ASAP2: variants seen among roughly 807,000 people sequenced by gnomAD.
The protein encoded by ASAP2 is arf-GAP with SH3 domain, ANK repeat and PH domain-containing protein 2.
In ASAP2, 45 loss-of-function variants were observed where a neutral mutation model predicts 131.4. The ratio of observed to expected loss-of-function variants is 0.34; its 90% CI spans 0.27 to 0.44. ASAP2 has a LOEUF of 0.44. Ranked by LOEUF, ASAP2 falls within the 20% of genes least tolerant of loss-of-function variation. The pLI is 1.00. For missense variants in ASAP2, 1,011 were observed against 1,297.0 expected, an observed-to-expected ratio of 0.78 and a Z score of 3.39; for synonymous variants, 510 against 503.0, an observed-to-expected ratio of 1.01 and a Z score of -0.19.
At chr2:9,245,121 C>T (rs1408539422) in intron 1 of ASAP2, among the ~76,000 whole-genome samples, 1 of 152,110 alleles carries the variant, frequency 6.6e-6, no homozygotes, top group Non-Finnish European at 1.5e-5. Flanking sequence ...TGTAGGACTG[C>T]GGTAAGAATA....
At position 9,329,247 on chromosome 2, in the gene ASAP2, G is replaced by A. The variant is rs74450818; in HGVS notation, c.686+1336G>A. ...AACTGCATGGAAAAGCCTTAGGGAT[G>A]TGGATGGCCCCAGACATCTTGCAAA... On this transcript the variant is annotated intron_variant, in intron 7 of 27. Transcript: ENST00000281419. Among the ~76,000 whole-genome samples the A allele has an allele frequency of 9.7e-3, 1,484 of 152,336 alleles. 29 individuals are homozygous for A. The highest frequency in any genetic ancestry group is 0.034 in the African/African-American group (1,411 of 41,572).
intron 1 of ASAP2, among the ~76,000 whole-genome samples, chr2:9,234,131 A>AG: frequency 7.0e-6 from 1 of 141,906 alleles, no homozygotes; most frequent in East Asian, 2.0e-4. Context: ...AAAAAAAAAA[A>AG]GGAAGAGGGG....
intron 5 of ASAP2, 22 bp from the exon 6 acceptor site, chr2:9,323,099 G>A: frequency 6.2e-7 from 1 of 1,613,844 alleles, no homozygotes. Flanking sequence ...GCATCTTGAT[G>A]TATCCTTGCT....
At chr2:9,280,403 C>G (rs1053215850) in intron 2 of ASAP2, among the ~76,000 whole-genome samples, 1 of 152,048 alleles carries the variant, frequency 6.6e-6, no homozygotes, top group Non-Finnish European at 1.5e-5. Context: ...CTCCAGTTGC[C>G]GCTCTTGATT....
chr2:9,352,504 A>C (rs1672422036), intron 12 of ASAP2, among the ~76,000 whole-genome samples: 1 of 152,224 alleles, frequency 6.6e-6, no homozygotes, highest in South Asian at 2.1e-4. Flanking sequence ...CAACTGCCCT[A>C]GGCCCCTCCA....
At position 9,393,816 on chromosome 2, in the gene ASAP2, G is replaced by T. The variant is rs965548542; in HGVS notation, c.2684+169G>T. Reference sequence around the variant, plus strand: ...CTTAAAAATAACTGGAGGATTTTTAGACTGTAAAAATGTCTTACAAATGTA... The same window carrying T: ...CTTAAAAATAACTGGAGGATTTTTATACTGTAAAAATGTCTTACAAATGTA... On this transcript the variant is annotated intron_variant, in intron 24 of 27. Transcript: ENST00000281419. Among the ~76,000 whole-genome samples, 6 of 152,228 alleles carry T rather than the reference G, an allele frequency of 3.9e-5. No homozygotes were observed. In the East Asian group the frequency reaches 7.7e-4, roughly 20 times the overall value.
chr2:9,372,203 C>G (rs1171660537), intron 16 of ASAP2, among the ~76,000 whole-genome samples: 1 of 152,140 alleles, frequency 6.6e-6, no homozygotes, highest in Non-Finnish European at 1.5e-5. Flanking sequence ...AGTCTAACTG[C>G]CTGTCAGAAG....
At chr2:9,312,888 T>A (rs1669397900) in intron 3 of ASAP2, among the ~76,000 whole-genome samples, 1 of 152,150 alleles carries the variant, frequency 6.6e-6, no homozygotes, top group Non-Finnish European at 1.5e-5. Flanking sequence ...ACCCCGTCTC[T>A]ACTAATAATA....
chr2:9,305,398 G>GC (rs1668823177), intron 3 of ASAP2, among the ~76,000 whole-genome samples: 2 of 145,906 alleles, frequency 1.4e-5, no homozygotes, highest in African/African-American at 5.1e-5. Flanking sequence ...TGGAGGGGCT[G>GC]TAATAGTGGG....
chr2:9,315,720 C>T lies in ASAP2; in HGVS notation c.346-2804C>T, dbSNP rs184352927. On this transcript the variant is annotated intron_variant, in intron 3 of 27. Coordinates refer to ENST00000281419, the MANE Select transcript of ASAP2 (RefSeq NM_003887.3). ...TGTCGTAGGTTACTCATCAGCACGG[C>T]CTTCTGTTTGTCCTTGTTCCTTCCA... 8.5e-4 allele frequency among the ~76,000 whole-genome samples: 129 copies of T among 152,258 alleles called. 1 individual carries two copies. The highest frequency in any genetic ancestry group is 2.7e-3 in the South Asian group (13 of 4,816).
intron 2 of ASAP2, among the ~76,000 whole-genome samples, chr2:9,287,130 G>C (rs1667518201): frequency 6.6e-6 from 1 of 152,242 alleles, no homozygotes; most frequent in Non-Finnish European, 1.5e-5. Flanking sequence ...TCCCGTCTCT[G>C]CTTCTGACTG....
At chr2:9,388,127 T>G (rs1007779275) in intron 21 of ASAP2, among the ~76,000 whole-genome samples, 167 bp from the exon 22 acceptor site, 10 of 152,188 alleles carry the variant, frequency 6.6e-5, no homozygotes, top group African/African-American at 2.4e-4. Context: ...ATTTTCACTC[T>G]TGCAGCTCTC....
chr2:9,221,167 G>T (rs189217746), intron 1 of ASAP2, among the ~76,000 whole-genome samples: 2 of 152,034 alleles, frequency 1.3e-5, no homozygotes, highest in East Asian at 3.9e-4. Flanking sequence ...TGAATTTTAG[G>T]ATCAACTTTT....
At chr2:9,249,482 C>A (rs1292139284) in intron 1 of ASAP2, among the ~76,000 whole-genome samples, 1 of 152,224 alleles carries the variant, frequency 6.6e-6, no homozygotes, top group East Asian at 1.9e-4. Flanking sequence ...GAGGGACTCT[C>A]ATGACGCCAT....
chr2:9,358,729 T>C, intron 14 of ASAP2, 27 bp from the exon 15 acceptor site: 1 of 1,599,878 alleles, frequency 6.3e-7, no homozygotes. Flanking sequence ...TACTGGAAGC[T>C]CAAATCTGCC....
chr2:9,278,969 A>C (rs998850556), intron 1 of ASAP2, among the ~76,000 whole-genome samples: 1 of 152,228 alleles, frequency 6.6e-6, no homozygotes, highest in Non-Finnish European at 1.5e-5. Context: ...CTGGTAACCA[A>C]GGAGAACGGA....
chr2:9,231,410 G>A (rs1663153000), intron 1 of ASAP2, among the ~76,000 whole-genome samples: 1 of 152,172 alleles, frequency 6.6e-6, no homozygotes, highest in African/African-American at 2.4e-5. Context: ...ATCTGGTATG[G>A]AGGCAACAGC....
intron 19 of ASAP2, among the ~76,000 whole-genome samples, chr2:9,379,663 GAA>G (rs1472369342): frequency 6.6e-6 from 1 of 152,106 alleles, no homozygotes; most frequent in Non-Finnish European, 1.5e-5. Flanking sequence ...GGAAAGAATA[GAA>G]AAAAGACACA....
intron 1 of ASAP2, among the ~76,000 whole-genome samples, chr2:9,219,166 C>G (rs1457017723): frequency 6.6e-6 from 1 of 152,182 alleles, no homozygotes; most frequent in Non-Finnish European, 1.5e-5. Context: ...GTAATGTGGA[C>G]TGTTGAACTT....
Sources: gnomAD v4.1 joint callset for allele counts (sites outside exome capture counted in the v4.1 genomes callset) on GRCh38, gnomAD v4.1.1 for gene constraint, MANE v1.5 for transcripts, NCBI Gene and HGNC (gene_info 2026-07-23, HGNC 2026-07-21) for gene names.